Variants in MDGA2 observed in about 807,000 individuals in gnomAD.
MDGA2 encodes the protein MAM domain containing glycosylphosphatidylinositol anchor 2.
In MDGA2, 40 loss-of-function variants were observed where a neutral mutation model predicts 117.8. That is an observed-to-expected ratio of 0.34 (90% CI 0.26 to 0.44). MDGA2 has a LOEUF of 0.44. MDGA2 is among the 20% of genes least tolerant of loss of function. The pLI is 1.00. For synonymous variants in MDGA2, 452 were observed against 439.0 expected, an observed-to-expected ratio of 1.03 and a Z score of -0.37; for missense variants, 1,123 against 1,250.6, an observed-to-expected ratio of 0.90 and a Z score of 1.54.
intron 4 of MDGA2, among the ~76,000 whole-genome samples, chr14:47,140,635 A>G (rs548557630): frequency 4.6e-5 from 7 of 152,150 alleles, no homozygotes; most frequent in Non-Finnish European, 8.8e-5. Context: ...TCACATGCAG[A>G]AAAGTAAAGC....
chr14:47,330,073 T>C (rs1032668720), intron 1 of MDGA2, among the ~76,000 whole-genome samples: 16 of 152,090 alleles, frequency 1.1e-4, no homozygotes, highest in African/African-American at 3.9e-4. Context: ...GGCATAACAA[T>C]TTAAAAGGAA....
rs150723310 is a variant in MDGA2 at position 47,447,923 on chromosome 14, C to T, written c.281-146373G>A. ...AAGAAATATGTATTTGATCTTGGTC[C>T]CTTGTTCCTGACAGAAGGCTCCTAA... On this transcript the variant is annotated intron_variant, in intron 1 of 16. Coordinates refer to ENST00000399232, the MANE Select transcript of MDGA2 (RefSeq NM_001113498.3). Among the ~76,000 whole-genome samples the T allele has an allele frequency of 2.2e-3, 335 of 152,050 alleles. 3 individuals carry two copies. Among genetic ancestry groups the T allele is most frequent in the African/African-American group, 7.8e-3 (323 of 41,476 alleles).
At chr14:46,934,712 A>C (rs564990138) in intron 9 of MDGA2, among the ~76,000 whole-genome samples, 1 of 152,310 alleles carries the variant, frequency 6.6e-6, no homozygotes, top group African/African-American at 2.4e-5. Context: ...AAAATGAAAC[A>C]ATCAGAAATC....
chr14:47,037,283 T>C (rs528495702), intron 7 of MDGA2, among the ~76,000 whole-genome samples: 10 of 152,344 alleles, frequency 6.6e-5, no homozygotes, highest in African/African-American at 2.4e-4. Flanking sequence ...ACCCCCTTGA[T>C]AATCTTAAGG....
intron 2 of MDGA2, among the ~76,000 whole-genome samples, chr14:47,290,999 C>T (rs1888867960): frequency 6.6e-6 from 1 of 152,234 alleles, no homozygotes; most frequent in East Asian, 1.9e-4. Flanking sequence ...ATTAGTACTT[C>T]GCTGCAGAAA....
chr14:47,410,857 TC>T (rs1892358569), intron 1 of MDGA2, among the ~76,000 whole-genome samples: 2 of 152,190 alleles, frequency 1.3e-5, no homozygotes. Context: ...TTATAAAGTA[TC>T]TACTATTCAT....
intron 8 of MDGA2, among the ~76,000 whole-genome samples, chr14:46,979,960 T>G (rs1447599931): frequency 1.3e-5 from 2 of 152,148 alleles, no homozygotes; most frequent in African/African-American, 4.8e-5. Flanking sequence ...ATTTAAACCT[T>G]TCATAGCTAA....
At chr14:46,964,925 T>TA (rs1566549168) in intron 8 of MDGA2, among the ~76,000 whole-genome samples, 4 of 108,060 alleles carry the variant, frequency 3.7e-5, no homozygotes, top group African/African-American at 1.3e-4. Context: ...TTTACTTTTT[T>TA]TTTTTTTTTT....
At chr14:47,000,956 T>C (rs1410696410) in intron 8 of MDGA2, among the ~76,000 whole-genome samples, 1 of 152,018 alleles carries the variant, frequency 6.6e-6, no homozygotes, top group Non-Finnish European at 1.5e-5. Context: ...TAGGTTAGCT[T>C]ATCAAAGTAT....
intron 1 of MDGA2, among the ~76,000 whole-genome samples, chr14:47,371,565 A>G (rs1035951199): frequency 6.6e-6 from 1 of 151,844 alleles, no homozygotes; most frequent in Non-Finnish European, 1.5e-5. Flanking sequence ...GAGGATGGTA[A>G]GGCAAAAAGT....
chr14:47,312,677 G>GC (rs1355882575), intron 1 of MDGA2, among the ~76,000 whole-genome samples: 3 of 126,744 alleles, frequency 2.4e-5, no homozygotes, highest in South Asian at 5.4e-4. Context: ...CTAGTTTTTA[G>GC]TTTTTTTTTT....
intron 5 of MDGA2, among the ~76,000 whole-genome samples, chr14:47,104,056 T>C (rs1880495509): frequency 6.6e-6 from 1 of 152,208 alleles, no homozygotes. Flanking sequence ...CACCTGCCTG[T>C]TCTCTGAAGT....
intron 11 of MDGA2, among the ~76,000 whole-genome samples, chr14:46,880,428 A>G (rs953927787): frequency 1.3e-5 from 2 of 152,126 alleles, no homozygotes; most frequent in African/African-American, 4.8e-5. Context: ...TGAAAATTCT[A>G]CAGCTAACAC....
chr14:47,035,659 T>A (rs1327744790), intron 7 of MDGA2, among the ~76,000 whole-genome samples: 1 of 151,974 alleles, frequency 6.6e-6, no homozygotes, highest in Non-Finnish European at 1.5e-5. Flanking sequence ...GACTCAGTAG[T>A]CACAATAAGT....
chr14:47,023,242 C>T (rs1054638473), intron 8 of MDGA2, among the ~76,000 whole-genome samples: 3 of 145,948 alleles, frequency 2.1e-5, no homozygotes, highest in Non-Finnish European at 4.5e-5. Context: ...GAAAAAAGTT[C>T]ATCTGACAGC....
At chr14:47,496,244 A>C (rs991196656) in intron 1 of MDGA2, among the ~76,000 whole-genome samples, 5 of 152,044 alleles carry the variant, frequency 3.3e-5, no homozygotes, top group African/African-American at 1.2e-4. Flanking sequence ...ATGCTTACAA[A>C]ATTTTATTTA....
intron 8 of MDGA2, among the ~76,000 whole-genome samples, chr14:47,013,528 A>G (rs1324566722): frequency 1.3e-5 from 2 of 151,612 alleles, no homozygotes; most frequent in Non-Finnish European, 2.9e-5. Flanking sequence ...AACACCTATT[A>G]ATGTTTATAT....
chr14:47,298,210 T>C (rs1167360328), intron 2 of MDGA2, among the ~76,000 whole-genome samples: 1 of 152,132 alleles, frequency 6.6e-6, no homozygotes, highest in African/African-American at 2.4e-5. Flanking sequence ...CAGGGTTACA[T>C]CCAGACAATC....
chr14:47,249,806 GA>G (rs879303193), intron 2 of MDGA2, among the ~76,000 whole-genome samples: 1 of 151,940 alleles, frequency 6.6e-6, no homozygotes, highest in African/African-American at 2.4e-5. Flanking sequence ...CTTATTTACT[GA>G]AAAAAAGTTC....
Sources: allele counts gnomAD v4.1 joint callset (sites outside exome capture counted in the v4.1 genomes callset), GRCh38; gene constraint gnomAD v4.1.1; transcripts MANE v1.5; gene names NCBI Gene and HGNC (gene_info 2026-07-23, HGNC 2026-07-21).